Variants in LRRC56 observed in about 807,000 individuals in gnomAD.
The protein encoded by LRRC56 is leucine-rich repeat-containing protein 56.
In LRRC56, 41 loss-of-function variants were observed where a neutral mutation model predicts 47.8. The observed-to-expected ratio is 0.86, with a 90% CI of 0.67 to 1.11. The LOEUF (loss-of-function observed/expected upper bound fraction) is 1.11. Among genes scored for constraint, LRRC56 ranks in the 50% most tolerant of loss-of-function variants. LRRC56 has a pLI of 0.00. For synonymous variants in LRRC56, 387 were observed against 311.2 expected (o/e 1.24, Z -2.56); for missense variants, 759 against 704.2 (o/e 1.08, Z -0.88).
In LRRC56 at chr11:551,205, G is replaced by C; in HGVS notation, c.699G>C (p.Pro233=). The C allele has an allele frequency of 1.9e-6, 3 of 1,546,078 alleles. No homozygotes were observed. Among genetic ancestry groups the C allele is most frequent in the African/African-American group, 2.7e-5 (2 of 72,874 alleles). Residue 233 remains proline (P), a synonymous_variant, in exon 9 of 14, where the codon CCG becomes CCC. Coordinates refer to ENST00000270115, the MANE Select transcript of LRRC56 (RefSeq NM_198075.4). Reference sequence around the variant, plus strand: ...AGCTGCAGGTCCTGGACGAAGTGCCGGCCGCACACACAGGCCCACCGGCCC... The same window carrying C: ...AGCTGCAGGTCCTGGACGAAGTGCCCGCCGCACACACAGGCCCACCGGCCC... ...IPQLQVLDEV[P]AAHTGPPAPP...
upstream of LRRC56, chr11:533,676 G>C: frequency 5.0e-6 from 8 of 1,611,536 alleles, no homozygotes; most frequent in South Asian, 7.7e-5. Flanking sequence ...CAGGACATGC[G>C]CAGAGAGGAC....
chr11:517,537 T>C, the LRRC56 span, among the ~76,000 whole-genome samples: 10 of 145,718 alleles, frequency 6.9e-5, no homozygotes, highest in Non-Finnish European at 1.5e-4. Context: ...CTGCCCCGTC[T>C]GGGAAGTGGG....
At chr11:531,853 G>A in the LRRC56 span, among the ~76,000 whole-genome samples, 1 of 152,240 alleles carries the variant, frequency 6.6e-6, no homozygotes, top group Non-Finnish European at 1.5e-5. Flanking sequence ...ATTCTTGGCA[G>A]GTGCATTTCA....
chr11:539,166 C>T (rs1281540710), intron 2 of LRRC56, among the ~76,000 whole-genome samples: 1 of 152,188 alleles, frequency 6.6e-6, no homozygotes, highest in East Asian at 1.9e-4. Context: ...CTGCAAGCTC[C>T]ACCTCCTGGG....
intron 6 of LRRC56, among the ~76,000 whole-genome samples, chr11:549,117 A>C (rs1852237104): frequency 6.6e-6 from 1 of 152,090 alleles, no homozygotes; most frequent in South Asian, 2.1e-4. Context: ...CAGTGGGCGG[A>C]ATGAAGCCCA....
At chr11:529,917 C>T in the LRRC56 span, 2 of 152,194 alleles carry the variant, frequency 1.3e-5, no homozygotes, top group African/African-American at 2.4e-5. Context: ...GGGCTGTCCC[C>T]GAGGCCAAGG....
the LRRC56 span, among the ~76,000 whole-genome samples, chr11:520,339 T>A: frequency 0.022 from 3,333 of 152,016 alleles, 59 homozygotes; most frequent in Middle Eastern, 0.044. Context: ...TTTTTTTTTT[T>A]ATGGGGAATC....
At chr11:546,498 G>T (rs183973419) in intron 6 of LRRC56, among the ~76,000 whole-genome samples, 1 of 152,240 alleles carries the variant, frequency 6.6e-6, no homozygotes, top group Non-Finnish European at 1.5e-5. Flanking sequence ...AACCCAGGAG[G>T]CGGAGCTTGC....
At position 551,816 on chromosome 11, in the gene LRRC56, G is replaced by A. The variant is rs148429612; in HGVS notation, c.962G>A (p.Ser321Asn). 3 of 1,607,334 alleles carry A rather than the reference G, an allele frequency of 1.9e-6. No individual in the cohort carries two copies. The African/African-American group carries it at 4.0e-5, about 21-fold the overall frequency. Residue 321 changes from serine to asparagine, a missense_variant, in exon 10 of 14, where the codon AGC becomes AAC. Ser to Asn is a conservative substitution (Grantham distance 46, BLOSUM62 1). Transcript: ENST00000270115. ...EDLAPEDNTS[S>N]LTHGAGQVLC... ...CTGGCCCCAGAAGATAACACCAGCAGCCTCACCCATGGTAACTGACTTGCC... is the reference window on the plus strand; with the variant it reads ...CTGGCCCCAGAAGATAACACCAGCAACCTCACCCATGGTAACTGACTTGCC...
At chr11:539,079 TG>T (rs1385026272) in intron 2 of LRRC56, among the ~76,000 whole-genome samples, 190 of 152,264 alleles carry the variant, frequency 1.2e-3, no homozygotes, top group Non-Finnish European at 2.1e-3. Flanking sequence ...TCTGCATCTT[TG>T]TTTGTTTGTT....
intron 12 of LRRC56, 50 bp downstream of exon 12, chr11:552,282 A>T (rs1215635193): frequency 2.6e-6 from 4 of 1,563,662 alleles, no homozygotes; most frequent in East Asian, 2.3e-5. Flanking sequence ...CCCGTGGGGA[A>T]ATCAGGGCTG....
chr11:542,717 T>C (rs1448817608), intron 5 of LRRC56, among the ~76,000 whole-genome samples: 3 of 152,022 alleles, frequency 2.0e-5, no homozygotes. Flanking sequence ...TTCTTTTTCC[T>C]GAACTAGTTG....
At chr11:508,564 C>T in the LRRC56 span, among the ~76,000 whole-genome samples, 6 of 152,068 alleles carry the variant, frequency 3.9e-5, no homozygotes, top group African/African-American at 1.2e-4. Flanking sequence ...GTCAGGAGTT[C>T]AAGACCAGCC....
chr11:538,762 C>T lies in LRRC56; in HGVS notation c.-257C>T, dbSNP rs937734736. The T allele has an allele frequency of 1.3e-5, 2 of 152,428 alleles. No individual in the cohort carries two copies. Among genetic ancestry groups the T allele is most frequent in the African/African-American group, 2.4e-5 (1 of 41,582 alleles). 9.4% of individuals were successfully genotyped at this position (152,428 alleles called of 1,614,324 possible). On this transcript the variant is annotated 5_prime_UTR_variant, in exon 2 of 14. Coordinates refer to ENST00000270115, the MANE Select transcript of LRRC56 (RefSeq NM_198075.4). ...TCCTTCGACAAATATTTGAGCATCC[C>T]CTCCTGCGACTGTGGACAGCAGAGG... is the stretch of plus-strand genomic sequence containing the variant.
At chr11:548,121 CA>C (rs892065348) in intron 6 of LRRC56, among the ~76,000 whole-genome samples, 24 of 145,784 alleles carry the variant, frequency 1.6e-4, no homozygotes, top group Admixed American at 4.8e-4. Context: ...GACTCCATCT[CA>C]AAAAAAAAAT....
chr11:533,340 TAGAGCC>T, upstream of LRRC56: 1 of 1,605,844 alleles, frequency 6.2e-7, no homozygotes, highest in Non-Finnish European at 8.5e-7. Context: ...GAGCTGGAGC[TAGAGCC>T]AGAGCGGCTG....
At chr11:553,779 A>G in intron 13 of LRRC56, among the ~76,000 whole-genome samples, 184 bp from the exon 14 acceptor site, 1 of 152,108 alleles carries the variant, frequency 6.6e-6, no homozygotes, top group African/African-American at 2.4e-5. Flanking sequence ...GGGCCCGCCC[A>G]TGCGAGTCAG....
chr11:530,375 TC>T, the LRRC56 span, among the ~76,000 whole-genome samples: 2 of 152,146 alleles, frequency 1.3e-5, no homozygotes, highest in African/African-American at 4.8e-5. Flanking sequence ...GGGAAGTCTA[TC>T]GATGGGGAAG....
intron 5 of LRRC56, among the ~76,000 whole-genome samples, chr11:544,499 G>T (rs1167764861): frequency 6.6e-6 from 1 of 152,176 alleles, no homozygotes; most frequent in African/African-American, 2.4e-5. Flanking sequence ...CCTCTACCAG[G>T]CCCCATAGAA....
Sources: allele counts gnomAD v4.1 joint callset (sites outside exome capture counted in the v4.1 genomes callset), GRCh38; gene constraint gnomAD v4.1.1; transcripts MANE v1.5; gene names NCBI Gene and HGNC (gene_info 2026-07-23, HGNC 2026-07-21).